The following NDUFA8 variants were observed in gnomAD, a reference collection of about 807,000 sequenced individuals.
NDUFA8 encodes the protein NADH:ubiquinone oxidoreductase subunit A8, also known as NADH dehydrogenase [ubiquinone] 1 alpha subcomplex subunit 8.
A neutral mutation model predicts 20.9 loss-of-function variants in NDUFA8; 16 were observed. The ratio of observed to expected loss-of-function variants is 0.77; its 90% confidence interval spans 0.52 to 1.16. The LOEUF is 1.16. NDUFA8 is among the 50% of genes most tolerant of loss of function. The probability of loss-of-function intolerance (pLI) is 0.00; values close to 1 mark genes in which losing one functional copy is unlikely to be tolerated. For missense variants in NDUFA8, 202 were observed against 216.4 expected (o/e 0.93, Z 0.42); for synonymous variants, 70 against 76.1 (o/e 0.92, Z 0.41).
At chr9:122,132,696 G>A in the NDUFA8 span, among the ~76,000 whole-genome samples, 2 of 152,150 alleles carry the variant, frequency 1.3e-5, no homozygotes, top group Non-Finnish European at 2.9e-5. Flanking sequence ...GACCCTAAGG[G>A]TACATCCTGC....
the NDUFA8 span, among the ~76,000 whole-genome samples, chr9:122,138,873 G>A: frequency 7.1e-6 from 1 of 140,392 alleles, no homozygotes; most frequent in African/African-American, 2.5e-5. Flanking sequence ...GGTGGGGGGG[G>A]GGCCATCTGA....
chr9:122,153,375 C>CTAGTCCATCTATTAA (rs1829033480), intron 1 of NDUFA8, among the ~76,000 whole-genome samples: 1 of 141,104 alleles, frequency 7.1e-6, no homozygotes, highest in Non-Finnish European at 1.5e-5. Flanking sequence ...CAAAGAGCAT[C>CTAGTCCATCTATTAA]TAGTCCATCT....
chr9:122,148,538 T>C (rs190010423), intron 2 of NDUFA8, among the ~76,000 whole-genome samples: 1 of 152,252 alleles, frequency 6.6e-6, no homozygotes, highest in Non-Finnish European at 1.5e-5. Flanking sequence ...GCACGCCTAT[T>C]TTACTCAGAG....
chr9:122,145,991 A>T (rs1205603293), intron 3 of NDUFA8, among the ~76,000 whole-genome samples: 1 of 151,740 alleles, frequency 6.6e-6, no homozygotes, highest in East Asian at 2.0e-4. Context: ...TCTACTAAAA[A>T]TACAAAATTT....
the NDUFA8 span, among the ~76,000 whole-genome samples, chr9:122,133,816 G>A: frequency 1.3e-5 from 2 of 152,166 alleles, no homozygotes; most frequent in East Asian, 1.9e-4. Flanking sequence ...GAGTGATGTC[G>A]CCCATTTCCT....
chr9:122,149,258 C>T (rs185977472), intron 2 of NDUFA8, among the ~76,000 whole-genome samples: 166 of 152,276 alleles, frequency 1.1e-3, no homozygotes, highest in African/African-American at 3.9e-3. Flanking sequence ...TGCTTTCCAC[C>T]CTGCCCAATA....
downstream of NDUFA8, among the ~76,000 whole-genome samples, chr9:122,143,276 T>G (rs906680416): frequency 6.6e-6 from 1 of 152,134 alleles, no homozygotes. Context: ...CTGAGAAGAC[T>G]TATGCGGGGT....
At chr9:122,142,445 T>C (rs973870219), downstream of NDUFA8, among the ~76,000 whole-genome samples, 5 of 152,106 alleles carry the variant, frequency 3.3e-5, no homozygotes, top group African/African-American at 1.2e-4. Flanking sequence ...TACAACAGAA[T>C]CTCTGCGGGT....
chr9:122,158,834 T>C lies in NDUFA8; in HGVS notation c.51+793A>G, dbSNP rs562367449. Among the ~76,000 whole-genome samples the C allele has an allele frequency of 3.3e-5, 5 of 151,870 alleles. No homozygotes were observed. The East Asian group carries it at 7.7e-4, about 24-fold the overall frequency. On this transcript the variant is annotated intron_variant, in intron 1 of 3. Coordinates refer to ENST00000373768, the MANE Select transcript of NDUFA8 (RefSeq NM_014222.3). The stretch of plus-strand genomic sequence containing the variant: ...GTATATATATATATATCCTACCTTA[T>C]AGTGTTGCTGGGAGGATTCAATGAA...
downstream of NDUFA8, among the ~76,000 whole-genome samples, chr9:122,142,445 T>A (rs973870219): frequency 2.6e-5 from 4 of 152,224 alleles, no homozygotes; most frequent in Admixed American, 1.3e-4. Flanking sequence ...TACAACAGAA[T>A]CTCTGCGGGT....
intron 1 of NDUFA8, among the ~76,000 whole-genome samples, chr9:122,155,018 C>T (rs780921668): frequency 7.2e-5 from 11 of 152,160 alleles, no homozygotes; most frequent in Non-Finnish European, 1.2e-4. Flanking sequence ...TAATACTCTA[C>T]TGAATTTGAT....
intron 1 of NDUFA8, 112 bp downstream of exon 1, chr9:122,159,515 A>G: frequency 7.5e-7 from 1 of 1,325,478 alleles, no homozygotes; most frequent in Non-Finnish European, 1.1e-6. Context: ...GCGTTGGAGG[A>G]CTGGGGAGGG....
At chr9:122,141,992 G>A (rs531111215), downstream of NDUFA8, among the ~76,000 whole-genome samples, 1 of 152,272 alleles carries the variant, frequency 6.6e-6, no homozygotes, top group African/African-American at 2.4e-5. Context: ...AGTTCAAGAC[G>A]CGTTGCTCTG....
At chr9:122,158,704 T>G (rs1207819899) in intron 1 of NDUFA8, among the ~76,000 whole-genome samples, 2 of 150,052 alleles carry the variant, frequency 1.3e-5, no homozygotes, top group Non-Finnish European at 3.0e-5. Context: ...TGTGTATATA[T>G]ATATGGTATA....
chr9:122,133,815 C>T, the NDUFA8 span, among the ~76,000 whole-genome samples: 2 of 152,194 alleles, frequency 1.3e-5, no homozygotes, highest in African/African-American at 2.4e-5. Context: ...GGAGTGATGT[C>T]GCCCATTTCC....
chr9:122,152,533 A>G (rs1829019287), intron 1 of NDUFA8, 125 bp from the exon 2 acceptor site: 1 of 858,944 alleles, frequency 1.2e-6, no homozygotes, highest in Non-Finnish European at 1.8e-6. Flanking sequence ...TACCAAGAAA[A>G]TTAAACACTG....
intron 3 of NDUFA8, among the ~76,000 whole-genome samples, chr9:122,146,562 T>C (rs1196961571): frequency 6.6e-6 from 1 of 152,214 alleles, no homozygotes; most frequent in East Asian, 1.9e-4. Flanking sequence ...TTATTACTCA[T>C]GACACCAAGC....
downstream of NDUFA8, among the ~76,000 whole-genome samples, chr9:122,141,032 A>G (rs774254941): frequency 2.6e-5 from 4 of 152,176 alleles, no homozygotes; most frequent in Non-Finnish European, 5.9e-5. Context: ...GAAAGACACC[A>G]TTCGTGTTTG....
chr9:122,157,659 T>C (rs1320310123), intron 1 of NDUFA8, among the ~76,000 whole-genome samples: 1 of 66,138 alleles, frequency 1.5e-5, no homozygotes, highest in Non-Finnish European at 2.5e-5. Flanking sequence ...CCCAGCTACA[T>C]GGGGTGGGGG....
Sources: allele counts gnomAD v4.1 joint callset (sites outside exome capture counted in the v4.1 genomes callset), GRCh38; gene constraint gnomAD v4.1.1; transcripts MANE v1.5; gene names NCBI Gene and HGNC (gene_info 2026-07-23, HGNC 2026-07-21).